IL13RA1: variants seen among roughly 807,000 people sequenced by gnomAD.
IL13RA1 encodes the protein interleukin 13 receptor subunit alpha 1, also known as interleukin-13 receptor subunit alpha-1.
Under a neutral mutation model 33.8 loss-of-function variants are expected in IL13RA1, and 14 were observed. That is an observed-to-expected ratio of 0.41 (90% CI 0.27 to 0.65). IL13RA1 has a LOEUF of 0.65. Among genes scored for constraint, IL13RA1 ranks in the 30% least tolerant of loss-of-function variants. IL13RA1 has a pLI of 0.28. For synonymous variants in IL13RA1, 116 were observed against 115.7 expected, an observed-to-expected ratio of 1.00 and a Z score of -0.02; for missense variants, 313 against 327.0, an observed-to-expected ratio of 0.96 and a Z score of 0.33.
chrX:118,731,652 A>G (rs1240705943), intron 1 of IL13RA1, among the ~76,000 whole-genome samples: 3 of 112,135 alleles, frequency 2.7e-5, no homozygotes, highest in Non-Finnish European at 5.6e-5. Context: ...AACACATAGC[A>G]CTTGCTGCCT....
intron 10 of IL13RA1, among the ~76,000 whole-genome samples, chrX:118,790,789 A>G (rs1311676433): frequency 1.8e-5 from 2 of 112,269 alleles, no homozygotes; most frequent in Non-Finnish European, 1.9e-5. Flanking sequence ...TCAGTTGCAC[A>G]ACCTGAGGCA....
chrX:118,763,586 GCTT>G (rs968926814), intron 6 of IL13RA1, among the ~76,000 whole-genome samples: 3 of 112,048 alleles, frequency 2.7e-5, no homozygotes, highest in Admixed American at 1.9e-4. Flanking sequence ...TCTTCTATGT[GCTT>G]CTTAATACAG....
chrX:118,765,642 A>G (rs2017639671), intron 6 of IL13RA1, among the ~76,000 whole-genome samples: 1 of 111,959 alleles, frequency 8.9e-6, no homozygotes, highest in Non-Finnish European at 1.9e-5. Context: ...CTTGGTACAC[A>G]TGTGCGTACA....
intron 2 of IL13RA1, among the ~76,000 whole-genome samples, chrX:118,742,428 C>G (rs998089157): frequency 1.8e-5 from 2 of 111,758 alleles, no homozygotes; most frequent in African/African-American, 6.5e-5. Flanking sequence ...ACAGAAAGAC[C>G]CTAAGTGCCT....
chrX:118,753,168 GGGT>G (rs2017489276), intron 4 of IL13RA1, among the ~76,000 whole-genome samples: 1 of 112,354 alleles, frequency 8.9e-6, no homozygotes, highest in African/African-American at 3.2e-5. Flanking sequence ...ATTAGAATCA[GGGT>G]GGCACTGGAG....
chrX:118,762,043 T>C (rs1341127782), intron 6 of IL13RA1, among the ~76,000 whole-genome samples: 1 of 112,481 alleles, frequency 8.9e-6, no homozygotes, highest in Non-Finnish European at 1.9e-5. Flanking sequence ...GTAATCAGAT[T>C]TGAGTAGTCA....
intron 6 of IL13RA1, 133 bp from the exon 7 acceptor site, chrX:118,766,397 A>G (rs191409670): frequency 2.5e-4 from 95 of 378,037 alleles, no homozygotes; most frequent in African/African-American, 2.1e-3. Flanking sequence ...AAAAAAGGCC[A>G]ACCTTTTTTC....
chrX:118,749,405 ATTAG>A (rs780901772), intron 3 of IL13RA1, among the ~76,000 whole-genome samples: 1 of 111,871 alleles, frequency 8.9e-6, no homozygotes, highest in African/African-American at 3.2e-5. Flanking sequence ...AGTTAGGAAT[ATTAG>A]TTAGGGTCCC....
intron 10 of IL13RA1, among the ~76,000 whole-genome samples, chrX:118,777,692 T>C (rs957380418): frequency 2.7e-5 from 3 of 111,965 alleles, no homozygotes; most frequent in Admixed American, 9.5e-5. Context: ...CCAACTGTTA[T>C]AGTTGGTTTC....
At chrX:118,736,930 G>A (rs1175035336) in intron 1 of IL13RA1, among the ~76,000 whole-genome samples, 1 of 112,894 alleles carries the variant, frequency 8.9e-6, no homozygotes, top group Non-Finnish European at 1.9e-5. Context: ...AGCCTCTGTA[G>A]TTGTTTAAGA....
chrX:118,728,160 C>T (rs1198269156), intron 1 of IL13RA1, among the ~76,000 whole-genome samples: 2 of 112,601 alleles, frequency 1.8e-5, no homozygotes, highest in Non-Finnish European at 3.8e-5. Context: ...GCGGGGACCA[C>T]GACCGAAGTC....
intron 8 of IL13RA1, among the ~76,000 whole-genome samples, chrX:118,767,435 A>G (rs2017661965): frequency 9.0e-6 from 1 of 111,139 alleles, no homozygotes; most frequent in South Asian, 3.8e-4. Flanking sequence ...TGGCTACCCA[A>G]GAGGCAGAGA....
Position 118,761,262 on chromosome X carries a change from C to T in IL13RA1, c.801C>T (p.Ser267=). 1 of 1,051,540 alleles carries T rather than the reference C, an allele frequency of 9.5e-7. No homozygotes were observed. Among genetic ancestry groups the T allele is most frequent in the Non-Finnish European group, 1.3e-6 (1 of 766,577 alleles). The allele number at this position is 1,051,540 out of a possible 1,213,427, so 86.7% of individuals were successfully genotyped here. A position where few individuals can be genotyped will look rare whatever the true frequency, so the allele number is the denominator to read the frequency against. Residue 267 remains serine, a synonymous_variant, in exon 6 of 11, where the codon AGC becomes AGT. Coordinates refer to ENST00000371666, the MANE Select transcript of IL13RA1 (RefSeq NM_001560.3). ...TTTATGAAGTAGAAGTCAATAACAG[C>T]CAAACTGAGACACATAATGTTTTCT... The part of the protein sequence containing the change: ...CLFYEVEVNN[S]QTETHNVFYV...
At chrX:118,784,910 G>T (rs1289256522) in intron 10 of IL13RA1, among the ~76,000 whole-genome samples, 1 of 111,268 alleles carries the variant, frequency 9.0e-6, no homozygotes, top group East Asian at 2.8e-4. Context: ...CTTTTTGGCT[G>T]GTTGTCAAAT....
chrX:118,789,817 A>G (rs1257446560), intron 10 of IL13RA1, among the ~76,000 whole-genome samples: 2 of 110,588 alleles, frequency 1.8e-5, no homozygotes, highest in Non-Finnish European at 3.8e-5. Flanking sequence ...GAGATCTTTA[A>G]TCCATCAGGG....
chrX:118,745,502 G>A (rs972446890), intron 2 of IL13RA1, among the ~76,000 whole-genome samples: 1 of 111,801 alleles, frequency 8.9e-6, no homozygotes, highest in Non-Finnish European at 1.9e-5. Flanking sequence ...GTTCTATAAA[G>A]TGATTTTGTT....
At chrX:118,756,921 C>T in intron 4 of IL13RA1, among the ~76,000 whole-genome samples, 1 of 110,918 alleles carries the variant, frequency 9.0e-6, no homozygotes, top group Non-Finnish European at 1.9e-5. Context: ...TAGGAATTAC[C>T]AGCATAGAAA....
intron 8 of IL13RA1, chrX:118,770,418 C>T (rs749841129): frequency 5.2e-5 from 20 of 385,618 alleles, no homozygotes; most frequent in Middle Eastern, 3.9e-4. Flanking sequence ...CACTGGTCAA[C>T]GGCAGCCTGG....
chrX:118,801,735 A>G, the IL13RA1 span, among the ~76,000 whole-genome samples: 1 of 112,414 alleles, frequency 8.9e-6, no homozygotes, highest in Middle Eastern at 4.2e-3. Flanking sequence ...GTGGTTGCAC[A>G]TACTGTTATT....
Sources: allele counts gnomAD v4.1 joint callset (sites outside exome capture counted in the v4.1 genomes callset), GRCh38; gene constraint gnomAD v4.1.1; transcripts MANE v1.5; gene names NCBI Gene and HGNC (gene_info 2026-07-23, HGNC 2026-07-21).